IQCM: variants seen among roughly 807,000 people sequenced by gnomAD.
The protein encoded by IQCM is IQ domain-containing protein M.
A neutral mutation model predicts 57.6 loss-of-function variants in IQCM; 45 were observed. That is an observed-to-expected ratio of 0.78 (90% CI 0.62 to 1.00). The LOEUF (loss-of-function observed/expected upper bound fraction) is 1.00, where lower values mean the gene tolerates loss of function less well. Among genes scored for constraint, IQCM ranks in the 50% least tolerant of loss-of-function variants. The pLI, the probability that IQCM is intolerant of heterozygous loss-of-function variation, is 0.00. For missense variants in IQCM, 468 were observed against 511.6 expected (o/e 0.91, Z 0.82); for synonymous variants, 148 against 158.9 (o/e 0.93, Z 0.51).
At chr4:149,647,324 G>A (rs1390433501) in intron 7 of IQCM, among the ~76,000 whole-genome samples, 1 of 148,790 alleles carries the variant, frequency 6.7e-6, no homozygotes, top group East Asian at 2.0e-4. Context: ...TATATTTCAG[G>A]TCTCCCTTCT....
At chr4:149,437,381 C>A (rs1179215350) in intron 12 of IQCM, among the ~76,000 whole-genome samples, 1 of 152,024 alleles carries the variant, frequency 6.6e-6, no homozygotes, top group African/African-American at 2.4e-5. Flanking sequence ...TGTTGAAAAG[C>A]CCTCAGGTCA....
At chr4:149,461,214 C>T (rs1046671425) in intron 12 of IQCM, among the ~76,000 whole-genome samples, 5 of 74,878 alleles carry the variant, frequency 6.7e-5, no homozygotes, top group Non-Finnish European at 2.5e-5. Context: ...GCCCGGGCAA[C>T]AAGAGCAAAA....
chr4:149,579,906 T>A (rs919858747), intron 9 of IQCM, among the ~76,000 whole-genome samples: 4 of 151,768 alleles, frequency 2.6e-5, no homozygotes, highest in African/African-American at 9.7e-5. Flanking sequence ...AACTAGCTAG[T>A]CATAGCAGAA....
At chr4:149,583,654 T>C (rs1752408254) in intron 9 of IQCM, among the ~76,000 whole-genome samples, 1 of 151,650 alleles carries the variant, frequency 6.6e-6, no homozygotes. Context: ...ACTTTTGCAA[T>C]ATGGTTAGAG....
chr4:149,780,397 AG>A (rs1448229047), intron 2 of IQCM: 2 of 152,080 alleles, frequency 1.3e-5, no homozygotes, highest in African/African-American at 4.8e-5. Flanking sequence ...TTCAAAACCC[AG>A]GTAAAAAATA....
intron 12 of IQCM, among the ~76,000 whole-genome samples, chr4:149,520,390 T>C (rs556234869): frequency 1.3e-5 from 2 of 152,200 alleles, no homozygotes; most frequent in Admixed American, 1.3e-4. Context: ...TTTTGCCTGT[T>C]GTCCCAGGGT....
At chr4:149,566,665 A>G (rs898265989) in intron 9 of IQCM, among the ~76,000 whole-genome samples, 1 of 152,188 alleles carries the variant, frequency 6.6e-6, no homozygotes, top group African/African-American at 2.4e-5. Context: ...AAATACAAGC[A>G]TGTTTACAAA....
chr4:149,490,388 A>G (rs562611493), intron 12 of IQCM, among the ~76,000 whole-genome samples: 1 of 152,200 alleles, frequency 6.6e-6, no homozygotes, highest in East Asian at 1.9e-4. Flanking sequence ...TCAAAAAGGT[A>G]AAGTCTTGTA....
At chr4:149,534,426 T>C (rs1312597090) in intron 12 of IQCM, among the ~76,000 whole-genome samples, 1 of 152,132 alleles carries the variant, frequency 6.6e-6, no homozygotes, top group Admixed American at 6.6e-5. Flanking sequence ...CAAATACGCT[T>C]GTATGGGTGT....
intron 12 of IQCM, among the ~76,000 whole-genome samples, chr4:149,511,033 A>G (rs1276388531): frequency 6.6e-6 from 1 of 152,186 alleles, no homozygotes; most frequent in African/African-American, 2.4e-5. Flanking sequence ...ACTTCCTCAT[A>G]GCTTATGGAA....
intron 7 of IQCM, among the ~76,000 whole-genome samples, chr4:149,667,741 C>T (rs1316032932): frequency 1.3e-5 from 2 of 151,668 alleles, no homozygotes; most frequent in Middle Eastern, 3.2e-3. Context: ...CATAAATGAC[C>T]TGATGGAGCT....
chr4:149,539,188 G>A (rs1747600006), intron 12 of IQCM, among the ~76,000 whole-genome samples: 1 of 152,082 alleles, frequency 6.6e-6, no homozygotes, highest in Admixed American at 6.6e-5. Context: ...TAAACAAAAT[G>A]TGGCATATTT....
chr4:149,582,657 T>C (rs927058981), intron 9 of IQCM, among the ~76,000 whole-genome samples: 8 of 151,482 alleles, frequency 5.3e-5, no homozygotes, highest in African/African-American at 1.7e-4. Flanking sequence ...TTTCCTCAAA[T>C]TCTCAAAGTC....
At chr4:149,618,774 A>G (rs541715806) in intron 8 of IQCM, among the ~76,000 whole-genome samples, 3 of 152,280 alleles carry the variant, frequency 2.0e-5, no homozygotes, top group Admixed American at 2.0e-4. Flanking sequence ...GCAAATTAAA[A>G]CCACAATGAA....
chr4:149,479,014 C>A (rs1454110365), intron 12 of IQCM, among the ~76,000 whole-genome samples: 1 of 151,746 alleles, frequency 6.6e-6, no homozygotes, highest in African/African-American at 2.4e-5. Flanking sequence ...TGATTAGAGT[C>A]CTTTCAATAG....
intron 8 of IQCM, among the ~76,000 whole-genome samples, chr4:149,619,664 G>T (rs2726770): frequency 0.45 from 69,058 of 151,934 alleles, 15,964 homozygotes; most frequent in South Asian, 0.58. Context: ...GTAGATAAAA[G>T]AATTTGGTAA....
intron 13 of IQCM, among the ~76,000 whole-genome samples, chr4:149,360,324 T>C (rs1729382902): frequency 6.6e-6 from 1 of 152,208 alleles, no homozygotes. Context: ...TTAGGTATTG[T>C]AAGTAATCTA....
intron 3 of IQCM, among the ~76,000 whole-genome samples, chr4:149,741,916 T>C (rs1767493509): frequency 6.6e-6 from 1 of 152,144 alleles, no homozygotes; most frequent in Admixed American, 6.6e-5. Context: ...AACACGCACA[T>C]TGCACACCTT....
At chr4:149,788,731 C>T (rs927980220) in intron 2 of IQCM, among the ~76,000 whole-genome samples, 2 of 152,066 alleles carry the variant, frequency 1.3e-5, no homozygotes, top group African/African-American at 4.8e-5. Flanking sequence ...ATAACTAAGA[C>T]AAAGAATCAA....
Sources: allele counts gnomAD v4.1 joint callset (sites outside exome capture counted in the v4.1 genomes callset), GRCh38; gene constraint gnomAD v4.1.1; transcripts MANE v1.5; gene names NCBI Gene and HGNC (gene_info 2026-07-23, HGNC 2026-07-21).